Variants in KIAA1217 observed in about 807,000 individuals in gnomAD.
KIAA1217 encodes sickle tail protein homolog.
In KIAA1217, 88 loss-of-function variants were observed where a neutral mutation model predicts 163.9. That is an observed-to-expected ratio of 0.54 (90% confidence interval 0.45 to 0.64). KIAA1217 has a LOEUF of 0.64. Ranked by LOEUF, KIAA1217 falls within the 30% of genes least tolerant of loss-of-function variation. The pLI is 0.00. For missense variants in KIAA1217, 2,372 were observed against 2,475.0 expected (o/e 0.96, Z 0.88); for synonymous variants, 903 against 923.1 (o/e 0.98, Z 0.39).
At chr10:23,712,355 C>T (rs889770951) in intron 1 of KIAA1217, among the ~76,000 whole-genome samples, 3 of 151,862 alleles carry the variant, frequency 2.0e-5, no homozygotes, top group South Asian at 2.1e-4. Flanking sequence ...GGAGAAATAA[C>T]TCAGTATGAT....
At chr10:24,109,311 T>G (rs926767267) in intron 2 of KIAA1217, among the ~76,000 whole-genome samples, 1 of 152,222 alleles carries the variant, frequency 6.6e-6, no homozygotes, top group African/African-American at 2.4e-5. Context: ...AGTTGCCTTT[T>G]TTTAAATTGG....
chr10:24,061,887 G>A (rs186702819), intron 2 of KIAA1217, among the ~76,000 whole-genome samples: 108 of 152,240 alleles, frequency 7.1e-4, no homozygotes, highest in African/African-American at 2.2e-3. Context: ...CTTATTGAGA[G>A]TCCTCTGGAT....
At chr10:24,379,181 G>A (rs1355989411) in intron 2 of KIAA1217, among the ~76,000 whole-genome samples, 1 of 152,172 alleles carries the variant, frequency 6.6e-6, no homozygotes, top group African/African-American at 2.4e-5. Flanking sequence ...GCTGAGCACA[G>A]TAAGGAGGAA....
intron 2 of KIAA1217, among the ~76,000 whole-genome samples, chr10:24,353,936 G>C (rs220350): frequency 6.6e-6 from 1 of 152,004 alleles, no homozygotes; most frequent in Non-Finnish European, 1.5e-5. Context: ...AGCTGGCAGA[G>C]TGTATGAACT....
chr10:24,219,076 C>T (rs780762002), intron 1 of KIAA1217, among the ~76,000 whole-genome samples: 5 of 152,124 alleles, frequency 3.3e-5, no homozygotes, highest in Non-Finnish European at 7.3e-5. Context: ...ATTGCCTGCA[C>T]ACAAGTAGCC....
At chr10:24,200,517 T>C (rs867848422) in intron 2 of KIAA1217, among the ~76,000 whole-genome samples, 3 of 152,162 alleles carry the variant, frequency 2.0e-5, no homozygotes, top group Non-Finnish European at 2.9e-5. Context: ...ACCTCAGCTT[T>C]CGCCTGCCAT....
chr10:24,350,810 G>A (rs1199663111), intron 2 of KIAA1217, among the ~76,000 whole-genome samples: 1 of 143,480 alleles, frequency 7.0e-6, no homozygotes, highest in African/African-American at 2.7e-5. Flanking sequence ...TACACAGTGC[G>A]AGGAAGTGGT....
At chr10:24,252,691 G>A (rs1485656324) in intron 2 of KIAA1217, among the ~76,000 whole-genome samples, 3 of 152,166 alleles carry the variant, frequency 2.0e-5, no homozygotes. Context: ...CACTGATTGA[G>A]TCTAGTTTGG....
chr10:23,763,978 G>A (rs1459821488), intron 1 of KIAA1217, among the ~76,000 whole-genome samples: 1 of 152,112 alleles, frequency 6.6e-6, no homozygotes, highest in East Asian at 1.9e-4. Context: ...AAACTAAAGA[G>A]CTTCTGCACA....
At chr10:24,072,490 A>G (rs964397193) in intron 2 of KIAA1217, among the ~76,000 whole-genome samples, 7 of 152,356 alleles carry the variant, frequency 4.6e-5, no homozygotes, top group East Asian at 1.9e-4. Flanking sequence ...AATAATAAGC[A>G]TGATTATTTT....
chr10:23,787,815 T>A (rs1835561617), intron 1 of KIAA1217, among the ~76,000 whole-genome samples: 1 of 152,172 alleles, frequency 6.6e-6, no homozygotes, highest in South Asian at 2.1e-4. Context: ...TTTTGGAGCA[T>A]ATTTTTTTTT....
intron 2 of KIAA1217, among the ~76,000 whole-genome samples, chr10:24,280,398 A>G (rs377140026): frequency 6.6e-6 from 1 of 152,220 alleles, no homozygotes; most frequent in African/African-American, 2.4e-5. Flanking sequence ...AGTGAAGGAA[A>G]GTGAAAGGGT....
At chr10:24,250,570 C>A (rs2074365211) in intron 2 of KIAA1217, among the ~76,000 whole-genome samples, 1 of 149,342 alleles carries the variant, frequency 6.7e-6, no homozygotes, top group Middle Eastern at 3.4e-3. Context: ...GTAACTGGGA[C>A]TACATGTGCC....
At chr10:23,995,147 T>G (rs180987466) in intron 1 of KIAA1217, among the ~76,000 whole-genome samples, 32 of 152,254 alleles carry the variant, frequency 2.1e-4, no homozygotes, top group African/African-American at 7.0e-4. Flanking sequence ...GTGCCAAGCA[T>G]TGCCCTGGGA....
At chr10:24,218,639 C>A (rs1003598010) in intron 1 of KIAA1217, among the ~76,000 whole-genome samples, 1 of 152,132 alleles carries the variant, frequency 6.6e-6, no homozygotes, top group South Asian at 2.1e-4. Flanking sequence ...CAGGTGCCCA[C>A]CACCATGCCC....
At chr10:24,373,957 G>A (rs138628061) in intron 2 of KIAA1217, among the ~76,000 whole-genome samples, 2 of 152,346 alleles carry the variant, frequency 1.3e-5, no homozygotes, top group South Asian at 2.1e-4. Context: ...AAAAGATGCA[G>A]TTGTACTTTG....
Position 24,473,324 on chromosome 10 carries a change from C to A in KIAA1217, c.943C>A (p.Pro315Thr), listed in dbSNP as rs1323670171. 3 of 1,567,060 alleles carry A rather than the reference C, an allele frequency of 1.9e-6. No homozygotes were observed. The highest frequency in any genetic ancestry group is 2.6e-6 in the Non-Finnish European group (3 of 1,156,542). Residue 315 changes from proline to threonine, a missense_variant, in exon 6 of 21, where the codon CCG becomes ACG. Physicochemically the swap from Pro to Thr is conservative, Grantham distance 38. Transcript: ENST00000376454. Reference sequence around the variant, plus strand: ...ACCCCATGCGATTCCAAATTCCCCACCGTCTACTCCAGTGCCCCATTCCAT... The same window carrying A: ...ACCCCATGCGATTCCAAATTCCCCAACGTCTACTCCAGTGCCCCATTCCAT... ...HPPHAIPNSP[P>T]STPVPHSMPP...
chr10:24,500,184 A>AGTGTGTGT (rs57872451), intron 8 of KIAA1217, among the ~76,000 whole-genome samples: 9,549 of 143,132 alleles, frequency 0.067, 357 homozygotes, highest in South Asian at 0.11. Context: ...ACTGAACAGA[A>AGTGTGTGT]GTGTGTGTGT....
chr10:24,204,782 G>A (rs964437549), upstream of KIAA1217, among the ~76,000 whole-genome samples: 8 of 152,156 alleles, frequency 5.3e-5, no homozygotes, highest in East Asian at 1.9e-4. Context: ...TTTCACATGC[G>A]CCAGATCATC....
Sources: allele counts gnomAD v4.1 joint callset (sites outside exome capture counted in the v4.1 genomes callset), GRCh38; gene constraint gnomAD v4.1.1; transcripts MANE v1.5; gene names NCBI Gene and HGNC (gene_info 2026-07-23, HGNC 2026-07-21).